The following SORCS3 variants were observed in gnomAD, a reference collection of about 807,000 sequenced individuals.
SORCS3 encodes the protein sortilin related VPS10 domain containing receptor 3.
In SORCS3, 57 loss-of-function variants were observed where a neutral mutation model predicts 146.3. That is an observed-to-expected ratio of 0.39 (90% confidence interval 0.31 to 0.49). The LOEUF (loss-of-function observed/expected upper bound fraction) is 0.49, where lower values mean the gene tolerates loss of function less well. SORCS3 is among the 20% of genes least tolerant of loss of function. The probability of loss-of-function intolerance (pLI) is 0.92; values close to 1 mark genes in which losing one functional copy is unlikely to be tolerated. For missense variants in SORCS3, 1,341 were observed against 1,575.5 expected (o/e 0.85, Z 2.52); for synonymous variants, 653 against 618.5 (o/e 1.06, Z -0.83).
chr10:104,681,788 C>T (rs906227886), intron 1 of SORCS3, among the ~76,000 whole-genome samples: 3 of 152,178 alleles, frequency 2.0e-5, no homozygotes, highest in African/African-American at 4.8e-5. Flanking sequence ...GGCTCCCTTT[C>T]TCGGAATGCT....
At chr10:105,000,602 G>A (rs1282566542) in intron 4 of SORCS3, among the ~76,000 whole-genome samples, 1 of 152,082 alleles carries the variant, frequency 6.6e-6, no homozygotes, top group East Asian at 1.9e-4. Flanking sequence ...GATTTTGTGA[G>A]TCCAAATCAT....
At chr10:104,819,759 C>T (rs1245476585) in intron 1 of SORCS3, among the ~76,000 whole-genome samples, 3 of 152,148 alleles carry the variant, frequency 2.0e-5, no homozygotes, top group Non-Finnish European at 4.4e-5. Flanking sequence ...TAAGCCTTGC[C>T]AGGTGCATGG....
rs59328970 is a variant in SORCS3, at chr10:105,014,068, C to CATATAT, written c.955-28977_955-28972dup. On this transcript the variant is annotated intron_variant, in intron 4 of 26. Transcript: ENST00000369701. Reference sequence around the variant, plus strand: ...AGACCCCAGCACAGATCTAAATATACATATATATATATATACACACATATA... The same window carrying CATATAT: ...AGACCCCAGCACAGATCTAAATATACATATATATATATATATATATACACACATATA... 1.3e-3 allele frequency among the ~76,000 whole-genome samples: 179 copies of CATATAT among 137,356 alleles called. 1 individual carries two copies. Among genetic ancestry groups the CATATAT allele is most frequent in the African/African-American group, 4.5e-3 (151 of 33,726 alleles). 90.1% of individuals were successfully genotyped at this position (137,356 alleles called of 152,430 possible). A position where few individuals can be genotyped will look rare whatever the true frequency, so the allele number is the denominator to read the frequency against.
chr10:104,840,130 G>C (rs927378729), intron 1 of SORCS3, among the ~76,000 whole-genome samples: 1 of 152,134 alleles, frequency 6.6e-6, no homozygotes, highest in South Asian at 2.1e-4. Flanking sequence ...GAGCACAACA[G>C]CTGGAGTGCT....
intron 2 of SORCS3, among the ~76,000 whole-genome samples, chr10:104,844,156 G>A (rs1438381928): frequency 6.6e-6 from 1 of 152,170 alleles, no homozygotes; most frequent in African/African-American, 2.4e-5. Flanking sequence ...TAATTTTGCT[G>A]CTCAGTGAAA....
intron 4 of SORCS3, among the ~76,000 whole-genome samples, chr10:104,991,257 A>C (rs985423429): frequency 6.6e-6 from 1 of 152,152 alleles, no homozygotes; most frequent in Non-Finnish European, 1.5e-5. Context: ...CCACAGACTG[A>C]GTGGCTTAAA....
At chr10:105,246,480 A>G (rs1275068771) in intron 21 of SORCS3, among the ~76,000 whole-genome samples, 2 of 152,240 alleles carry the variant, frequency 1.3e-5, no homozygotes, top group Non-Finnish European at 2.9e-5. Flanking sequence ...TTTGTTACAT[A>G]TGTAATGTAA....
intron 8 of SORCS3, 49 bp downstream of exon 8, chr10:105,139,535 G>T: frequency 7.0e-7 from 1 of 1,428,130 alleles, no homozygotes; most frequent in African/African-American, 1.4e-5. Context: ...GCAAAGGGAG[G>T]GTTGGAGAGG....
At chr10:104,714,673 A>G (rs2016456632) in intron 1 of SORCS3, among the ~76,000 whole-genome samples, 1 of 152,220 alleles carries the variant, frequency 6.6e-6, no homozygotes, top group African/African-American at 2.4e-5. Context: ...TGCTCCAAAT[A>G]TGGTGTATCT....
intron 3 of SORCS3, among the ~76,000 whole-genome samples, chr10:104,943,824 T>C (rs1049458415): frequency 6.6e-6 from 1 of 152,208 alleles, no homozygotes; most frequent in African/African-American, 2.4e-5. Context: ...GCTGCAGTAA[T>C]TAAGAAAGTC....
chr10:104,741,971 G>A (rs1271043489), intron 1 of SORCS3, among the ~76,000 whole-genome samples: 2 of 151,748 alleles, frequency 1.3e-5, no homozygotes, highest in African/African-American at 2.4e-5. Context: ...TCTCACTCAA[G>A]TTGGGATTTT....
chr10:105,126,027 T>C, intron 7 of SORCS3, among the ~76,000 whole-genome samples: 1 of 152,268 alleles, frequency 6.6e-6, no homozygotes, highest in African/African-American at 2.4e-5. Context: ...AAAAGATGCA[T>C]AAAAATAAAA....
At chr10:104,876,165 G>C (rs1004365188) in intron 2 of SORCS3, among the ~76,000 whole-genome samples, 1 of 152,176 alleles carries the variant, frequency 6.6e-6, no homozygotes, top group Non-Finnish European at 1.5e-5. Context: ...TTCAACTGTT[G>C]TAAGTCACTA....
chr10:105,155,983 T>G (rs1468068286), intron 9 of SORCS3, among the ~76,000 whole-genome samples: 6 of 152,232 alleles, frequency 3.9e-5, no homozygotes, highest in Non-Finnish European at 7.3e-5. Context: ...ATTTCGTCAA[T>G]TAAATTATGT....
intron 5 of SORCS3, among the ~76,000 whole-genome samples, chr10:105,073,963 A>C (rs2055573528): frequency 6.6e-6 from 1 of 152,194 alleles, no homozygotes; most frequent in African/African-American, 2.4e-5. Flanking sequence ...TTGTGGAATC[A>C]TTTCAATCCT....
At chr10:104,896,576 C>T (rs115613470) in intron 2 of SORCS3, among the ~76,000 whole-genome samples, 21 of 152,286 alleles carry the variant, frequency 1.4e-4, no homozygotes, top group African/African-American at 4.6e-4. Flanking sequence ...AATGAGAGAC[C>T]ACAGTAGGGA....
intron 3 of SORCS3, among the ~76,000 whole-genome samples, chr10:104,964,277 G>A (rs1054927457): frequency 3.3e-5 from 5 of 152,062 alleles, no homozygotes; most frequent in Admixed American, 2.0e-4. Flanking sequence ...AACACTCTAC[G>A]TTGTTCATTC....
At chr10:105,009,315 G>T (rs1269808918) in intron 4 of SORCS3, among the ~76,000 whole-genome samples, 6 of 152,046 alleles carry the variant, frequency 3.9e-5, no homozygotes, top group Admixed American at 6.6e-5. Flanking sequence ...AGAAACAGAG[G>T]AAACATACTT....
intron 3 of SORCS3, among the ~76,000 whole-genome samples, chr10:104,948,276 G>A (rs1237462700): frequency 1.3e-5 from 2 of 152,176 alleles, no homozygotes; most frequent in Non-Finnish European, 2.9e-5. Flanking sequence ...GTGCCAGACA[G>A]AAGTTGCAAA....
Sources: allele counts gnomAD v4.1 joint callset (sites outside exome capture counted in the v4.1 genomes callset), GRCh38; gene constraint gnomAD v4.1.1; transcripts MANE v1.5; gene names NCBI Gene and HGNC (gene_info 2026-07-23, HGNC 2026-07-21).